Variants in EIF2B3 observed in about 807,000 individuals in gnomAD.
EIF2B3 encodes eukaryotic translation initiation factor 2B subunit gamma.
A neutral mutation model predicts 54.1 loss-of-function variants in EIF2B3; 20 were observed. The observed-to-expected ratio is 0.37, with a 90% CI of 0.26 to 0.54. The LOEUF (loss-of-function observed/expected upper bound fraction) is 0.54. Among genes scored for constraint, EIF2B3 ranks in the 20% least tolerant of loss-of-function variants. The pLI is 0.86. For missense variants in EIF2B3, 448 were observed against 547.8 expected (o/e 0.82, Z 1.82); for synonymous variants, 153 against 188.1 (o/e 0.81, Z 1.52).
intron 5 of EIF2B3, among the ~76,000 whole-genome samples, chr1:44,905,523 C>G (rs941460749): frequency 6.6e-6 from 1 of 151,948 alleles, no homozygotes. Context: ...CTCTATGACT[C>G]ACAGCATTTC....
intron 6 of EIF2B3, among the ~76,000 whole-genome samples, chr1:44,894,011 C>T (rs912440898): frequency 6.6e-6 from 1 of 152,076 alleles, no homozygotes; most frequent in Non-Finnish European, 1.5e-5. Flanking sequence ...AATCTAGGGC[C>T]CTGACTCAGG....
chr1:44,966,050 G>A (rs1006798288), intron 3 of EIF2B3, among the ~76,000 whole-genome samples: 3 of 152,102 alleles, frequency 2.0e-5, no homozygotes, highest in African/African-American at 7.2e-5. Flanking sequence ...ATTAAACTCT[G>A]AAGACTCAGT....
intron 3 of EIF2B3, among the ~76,000 whole-genome samples, chr1:44,947,680 C>T (rs1022169644): frequency 6.6e-6 from 1 of 152,134 alleles, no homozygotes; most frequent in African/African-American, 2.4e-5. Context: ...AAGGTAACTA[C>T]CATGCTTCTC....
intron 5 of EIF2B3, among the ~76,000 whole-genome samples, chr1:44,921,502 T>C (rs898856052): frequency 6.6e-6 from 1 of 152,258 alleles, no homozygotes; most frequent in Non-Finnish European, 1.5e-5. Context: ...TGGTTTCTTG[T>C]AGTAGCTTCA....
At chr1:44,958,506 G>A (rs551915672) in intron 3 of EIF2B3, 11 of 1,054,952 alleles carry the variant, frequency 1.0e-5, no homozygotes, top group Admixed American at 6.5e-5. Flanking sequence ...TGATTACTGC[G>A]TTTTTCTTTT....
chr1:44,891,779 A>G (rs982037507), intron 6 of EIF2B3, among the ~76,000 whole-genome samples: 4 of 152,172 alleles, frequency 2.6e-5, no homozygotes, highest in African/African-American at 7.2e-5. Context: ...AAAGACAGTT[A>G]TATGTACTGC....
chr1:44,936,044 A>C (rs1643943356), intron 4 of EIF2B3, among the ~76,000 whole-genome samples: 1 of 151,450 alleles, frequency 6.6e-6, no homozygotes, highest in African/African-American at 2.4e-5. Context: ...CCTTTCACTC[A>C]GTAAGTAGTA....
At chr1:44,950,546 G>A (rs1332997981) in intron 3 of EIF2B3, among the ~76,000 whole-genome samples, 1 of 152,090 alleles carries the variant, frequency 6.6e-6, no homozygotes, top group African/African-American at 2.4e-5. Flanking sequence ...GATATGGGGT[G>A]GGGGTGGTCA....
In EIF2B3 at chr1:44,881,487, C is replaced by T; in HGVS notation, c.784+125G>A. ...CAGTGGGTTGGCAAGCCTGTCTTGC[C>T]TCGTAGGCTAGAAATAGTCTGCTGC... is the stretch of plus-strand genomic sequence containing the variant. On this transcript the variant is annotated intron_variant, in intron 7 of 11. Coordinates refer to ENST00000360403, the MANE Select transcript of EIF2B3 (RefSeq NM_020365.5). This position sits in a 1 kb window ranked among gnomAD's most constrained non-coding sequence, Gnocchi z 4.0. The T allele has an allele frequency of 7.3e-7, 1 of 1,362,556 alleles. No individual in the cohort carries two copies. Among genetic ancestry groups the T allele is most frequent in the East Asian group, 2.4e-5 (1 of 42,360 alleles). The allele number at this position is 1,362,556 out of a possible 1,614,324, so 84.4% of individuals were successfully genotyped here.
chr1:44,948,888 C>T (rs1557700120), intron 3 of EIF2B3, among the ~76,000 whole-genome samples: 1 of 151,810 alleles, frequency 6.6e-6, no homozygotes, highest in Non-Finnish European at 1.5e-5. Flanking sequence ...AAGAGTCTCG[C>T]TCTATTGCCC....
At chr1:44,854,965 C>G (rs576052730) in intron 11 of EIF2B3, among the ~76,000 whole-genome samples, 4 of 151,888 alleles carry the variant, frequency 2.6e-5, no homozygotes, top group Non-Finnish European at 4.4e-5. Flanking sequence ...AAGACTTTGC[C>G]ATCTATTGAG....
At chr1:44,935,390 T>C (rs1315800004) in intron 4 of EIF2B3, among the ~76,000 whole-genome samples, 1 of 152,258 alleles carries the variant, frequency 6.6e-6, no homozygotes, top group East Asian at 1.9e-4. Flanking sequence ...TACATATTAT[T>C]GCAAGTTTAA....
Position 44,874,729 on chromosome 1 carries a change from C to T in EIF2B3, c.1151G>A (p.Arg384Lys), listed in dbSNP as rs143688644. ...VIGSSCLIKD[R>K]VTITNCLLMN... is the part of the protein sequence containing the mutation. ...GAGAAGGCAATTGGTAATAGTCACTCTATCTTTTATGAGACAGGATGAGCC... is the reference window on the plus strand; with the variant it reads ...GAGAAGGCAATTGGTAATAGTCACTTTATCTTTTATGAGACAGGATGAGCC... Residue 384 changes from arginine (R) to lysine (K), a missense_variant, in exon 10 of 12, where the codon AGA (arginine) becomes AAA (lysine). By Grantham distance (26) the Arg-to-Lys change is conservative. Transcript: ENST00000360403. 8.7e-6 allele frequency: 14 copies of T among 1,614,182 alleles called. 1 individual carries two copies. The African/African-American group carries it at 1.5e-4, about 17-fold the overall frequency.
intron 3 of EIF2B3, among the ~76,000 whole-genome samples, chr1:44,955,813 A>G (rs556077886): frequency 2.0e-5 from 3 of 152,342 alleles, no homozygotes; most frequent in Middle Eastern, 3.4e-3. Context: ...ACAATGAGAT[A>G]CCATCTAATT....
intron 8 of EIF2B3, among the ~76,000 whole-genome samples, chr1:44,876,194 G>A (rs896998377): frequency 6.6e-6 from 1 of 151,838 alleles, no homozygotes. Flanking sequence ...GCCTCTGCCC[G>A]GCCGCCACAC....
chr1:44,967,187 T>C (rs1487950160), intron 3 of EIF2B3, among the ~76,000 whole-genome samples: 7 of 147,446 alleles, frequency 4.7e-5, no homozygotes, highest in Non-Finnish European at 6.0e-5. Context: ...TGGCTCACGC[T>C]TGTAATCCCA....
At chr1:44,861,358 A>G (rs1377626004) in intron 10 of EIF2B3, among the ~76,000 whole-genome samples, 1 of 152,132 alleles carries the variant, frequency 6.6e-6, no homozygotes, top group Non-Finnish European at 1.5e-5. Context: ...GAAAAGTCTT[A>G]TTTCTTTTTC....
At chr1:44,874,882 C>T in intron 9 of EIF2B3, 56 bp from the exon 10 acceptor site, 2 of 1,602,608 alleles carry the variant, frequency 1.2e-6, no homozygotes, top group Admixed American at 1.7e-5. Context: ...CTGCAAACCA[C>T]CCTCCAGATC....
At chr1:44,932,878 A>C (rs1315855088) in intron 4 of EIF2B3, among the ~76,000 whole-genome samples, 1 of 152,212 alleles carries the variant, frequency 6.6e-6, no homozygotes, top group East Asian at 1.9e-4. Flanking sequence ...AAAGCTCAAA[A>C]ATTTACTTCT....
Sources: gnomAD v4.1 joint callset for allele counts (sites outside exome capture counted in the v4.1 genomes callset) on GRCh38, gnomAD v4.1.1 for gene constraint, Gnocchi (gnomAD v3.1) non-coding constraint, MANE v1.5 for transcripts, NCBI Gene and HGNC (gene_info 2026-07-23, HGNC 2026-07-21) for gene names.